The following MYO16 variants were observed in gnomAD, a reference collection of about 807,000 sequenced individuals.
MYO16 encodes the protein unconventional myosin-XVI.
In MYO16, 94 loss-of-function variants were observed where a neutral mutation model predicts 205.3. The observed-to-expected ratio is 0.46, with a 90% CI of 0.39 to 0.54. MYO16 has a LOEUF of 0.54. Among genes scored for constraint, MYO16 ranks in the 20% least tolerant of loss-of-function variants. MYO16 has a pLI of 0.00. For synonymous variants in MYO16, 988 were observed against 954.0 expected (o/e 1.04, Z -0.66); for missense variants, 2,315 against 2,387.5 (o/e 0.97, Z 0.63).
At chr13:109,169,836 G>C (rs1878854985) in intron 33 of MYO16, among the ~76,000 whole-genome samples, 1 of 152,142 alleles carries the variant, frequency 6.6e-6, no homozygotes, top group South Asian at 2.1e-4. Context: ...GAAGGAAGGA[G>C]AAAGAAAATA....
chr13:109,144,493 A>G (rs1340238197), intron 32 of MYO16, among the ~76,000 whole-genome samples: 1 of 152,204 alleles, frequency 6.6e-6, no homozygotes, highest in Non-Finnish European at 1.5e-5. Context: ...TGACTATTAA[A>G]GTTTACACAG....
chr13:109,196,108 G>GT (rs1382447918), intron 34 of MYO16, among the ~76,000 whole-genome samples: 1 of 152,088 alleles, frequency 6.6e-6, no homozygotes, highest in Non-Finnish European at 1.5e-5. Flanking sequence ...CATCACCTCC[G>GT]TTTTTACATC....
chr13:108,799,760 C>A (rs1886912529), intron 6 of MYO16, among the ~76,000 whole-genome samples: 2 of 152,048 alleles, frequency 1.3e-5, no homozygotes, highest in South Asian at 4.1e-4. Flanking sequence ...TAGTGCTGTA[C>A]CAGGTTGGGA....
intron 11 of MYO16, among the ~76,000 whole-genome samples, chr13:108,861,148 A>G (rs1381734256): frequency 2.0e-5 from 3 of 152,160 alleles, no homozygotes; most frequent in Non-Finnish European, 4.4e-5. Flanking sequence ...TCATGAACAC[A>G]CCCACGTAAC....
intron 32 of MYO16, among the ~76,000 whole-genome samples, chr13:109,147,533 G>C (rs532116229): frequency 1.3e-5 from 2 of 152,238 alleles, no homozygotes; most frequent in East Asian, 3.9e-4. Flanking sequence ...TGCAAATCTT[G>C]ACATCCCATA....
chr13:108,822,764 T>C (rs1300439059), intron 8 of MYO16, among the ~76,000 whole-genome samples: 2 of 152,150 alleles, frequency 1.3e-5, no homozygotes, highest in African/African-American at 2.4e-5. Context: ...AGTGTAACTC[T>C]TTCTGTAATT....
chr13:108,679,570 T>C (rs1162382113), intron 2 of MYO16, among the ~76,000 whole-genome samples: 1 of 152,028 alleles, frequency 6.6e-6, no homozygotes, highest in African/African-American at 2.4e-5. Flanking sequence ...TGTCATGACC[T>C]GGTTGTGGCC....
intron 20 of MYO16, 88 bp from the exon 21 acceptor site, chr13:108,992,288 C>G: frequency 1.2e-6 from 1 of 856,980 alleles, no homozygotes; most frequent in Admixed American, 2.7e-5. Context: ...TGCTAAGTGG[C>G]TGGATTCTTC....
At chr13:108,962,848 T>G (rs1279661215) in intron 19 of MYO16, among the ~76,000 whole-genome samples, 1 of 152,244 alleles carries the variant, frequency 6.6e-6, no homozygotes, top group Non-Finnish European at 1.5e-5. Flanking sequence ...CCTCATTGGT[T>G]AGAACAGCTG....
intron 10 of MYO16, 144 bp from the exon 11 acceptor site, chr13:108,855,299 T>C (rs958421846): frequency 2.4e-5 from 10 of 418,866 alleles, no homozygotes; most frequent in African/African-American, 1.6e-4. Context: ...TTCTTTTTCA[T>C]TGAACCATTT....
chr13:109,086,161 A>G lies in MYO16; in HGVS notation c.3336-14624A>G, dbSNP rs1436664621. Among the ~76,000 whole-genome samples, 6 of 152,222 alleles carry G rather than the reference A, an allele frequency of 3.9e-5. 1 individual carries two copies. The East Asian group carries it at 1.2e-3, about 29-fold the overall frequency. ...ATTTGCATTGCTAGAAGTTTTCTATATCCACAGAGCTATAAAATAACCTTC... is the reference window on the plus strand; with the variant it reads ...ATTTGCATTGCTAGAAGTTTTCTATGTCCACAGAGCTATAAAATAACCTTC... On this transcript the variant is annotated intron_variant, in intron 27 of 34. Transcript: ENST00000457511.
At chr13:109,174,192 A>T (rs1267194447) in intron 33 of MYO16, among the ~76,000 whole-genome samples, 2 of 152,212 alleles carry the variant, frequency 1.3e-5, no homozygotes, top group East Asian at 3.9e-4. Flanking sequence ...CAGCACTCTT[A>T]AGAAGGGAAG....
At chr13:109,018,462 G>C (rs2139509480) in intron 22 of MYO16, among the ~76,000 whole-genome samples, 1 of 152,322 alleles carries the variant, frequency 6.6e-6, no homozygotes, top group African/African-American at 2.4e-5. Flanking sequence ...ACTTGAGGAG[G>C]TGGCGTGTCC....
At chr13:108,979,800 G>A (rs576948927) in intron 20 of MYO16, among the ~76,000 whole-genome samples, 1 of 151,550 alleles carries the variant, frequency 6.6e-6, no homozygotes, top group Non-Finnish European at 1.5e-5. Context: ...AGAATATAGA[G>A]GAACAAAAAA....
chr13:108,635,160 T>C (rs1880165111), intron 1 of MYO16, among the ~76,000 whole-genome samples: 2 of 152,214 alleles, frequency 1.3e-5, no homozygotes, highest in Non-Finnish European at 2.9e-5. Flanking sequence ...TAAGGTTTTG[T>C]AGAAACTGCT....
rs141845185 is a variant in MYO16 at position 108,995,337 on chromosome 13, C to T, written c.2442+2889C>T. 3.5e-4 allele frequency among the ~76,000 whole-genome samples: 53 copies of T among 152,256 alleles called. No individual in the cohort carries two copies. The East Asian group carries it at 9.1e-3, about 26-fold the overall frequency. ...GTGGCGCCATTATGACCTAAATCGC[C>T]TCCCAAAGGCCCCACCTTCTAATCC... On this transcript the variant is annotated intron_variant, in intron 21 of 34. Transcript: ENST00000457511.
rs1015193809 is a variant in MYO16, at chr13:109,147,064, C to A, written c.5164+5688C>A. Among the ~76,000 whole-genome samples the A allele has an allele frequency of 3.9e-5, 6 of 151,982 alleles. No individual in the cohort carries two copies. In the East Asian group the frequency reaches 1.2e-3, roughly 29 times the overall value. On this transcript the variant is annotated intron_variant, in intron 32 of 34. Coordinates refer to ENST00000457511, the MANE Select transcript of MYO16 (RefSeq NM_001198950.3). ...AAAAGCCTGATTCTCGAAGCCAGGG[C>A]GTCATTTTTCACGACACAAACAAAA...
chr13:109,022,438 ATATATT>A (rs1317921609), intron 23 of MYO16, among the ~76,000 whole-genome samples: 1 of 131,672 alleles, frequency 7.6e-6, no homozygotes, highest in East Asian at 2.2e-4. Flanking sequence ...AAACATATGT[ATATATT>A]TATGTTATAT....
rs375061883 is a variant in MYO16, at chr13:108,701,266, G to C, written c.293-11395G>C. Among the ~76,000 whole-genome samples the C allele has an allele frequency of 3.3e-5, 5 of 152,130 alleles. No homozygotes were observed. In the East Asian group the frequency reaches 9.7e-4, roughly 29 times the overall value. Reference sequence around the variant, plus strand: ...TATTATTCATCATGTTTAGTGCTATGTTTGGAATGTTTGTCACCCCCCTGC... The same window carrying C: ...TATTATTCATCATGTTTAGTGCTATCTTTGGAATGTTTGTCACCCCCCTGC... On this transcript the variant is annotated intron_variant, in intron 2 of 34. Transcript: ENST00000457511.
Sources: gnomAD v4.1 joint callset for allele counts (sites outside exome capture counted in the v4.1 genomes callset) on GRCh38, gnomAD v4.1.1 for gene constraint, MANE v1.5 for transcripts, NCBI Gene and HGNC (gene_info 2026-07-23, HGNC 2026-07-21) for gene names.